The following SYT16 variants were observed in gnomAD, a reference collection of about 807,000 sequenced individuals.
SYT16 encodes synaptotagmin-16.
In SYT16, 42 loss-of-function variants were observed where a neutral mutation model predicts 61.4. That is an observed-to-expected ratio of 0.68 (90% CI 0.53 to 0.89). The LOEUF is 0.89. Among genes scored for constraint, SYT16 ranks in the 40% least tolerant of loss-of-function variants. The pLI, the probability that SYT16 is intolerant of heterozygous loss-of-function variation, is 0.00. For synonymous variants in SYT16, 314 were observed against 302.3 expected, an observed-to-expected ratio of 1.04 and a Z score of -0.40; for missense variants, 804 against 807.3, an observed-to-expected ratio of 1.00 and a Z score of 0.05.
intron 1 of SYT16, among the ~76,000 whole-genome samples, chr14:61,915,178 A>G (rs997152084): frequency 6.6e-6 from 1 of 152,148 alleles, no homozygotes; most frequent in Admixed American, 6.6e-5. Context: ...TGGTCAACAA[A>G]ATATATCTGC....
chr14:61,923,662 C>T (rs536727601), intron 1 of SYT16, among the ~76,000 whole-genome samples: 1 of 152,014 alleles, frequency 6.6e-6, no homozygotes, highest in Non-Finnish European at 1.5e-5. Flanking sequence ...AAACATCCTA[C>T]TGAAGTTATT....
At chr14:62,041,107 T>C (rs549886705) in intron 3 of SYT16, among the ~76,000 whole-genome samples, 1 of 152,256 alleles carries the variant, frequency 6.6e-6, no homozygotes, top group South Asian at 2.1e-4. Context: ...AAAGATGTAG[T>C]CTGGGAGGCT....
At chr14:62,100,333 CCAAA>C (rs2057388671) in intron 7 of SYT16, 57 bp from the exon 8 acceptor site, 1 of 1,409,166 alleles carries the variant, frequency 7.1e-7, no homozygotes. Flanking sequence ...GCTAGTCTAG[CCAAA>C]CAGAGAGCAC....
intron 1 of SYT16, among the ~76,000 whole-genome samples, chr14:61,859,021 AT>A (rs60251753): frequency 0.029 from 4,214 of 146,118 alleles, 168 homozygotes; most frequent in African/African-American, 0.078. Context: ...CGCCCGGCTA[AT>A]TTTTTTTTTT....
chr14:61,885,477 C>G (rs139138210), intron 1 of SYT16, among the ~76,000 whole-genome samples: 16 of 152,304 alleles, frequency 1.1e-4, no homozygotes, highest in African/African-American at 3.6e-4. Context: ...AAGGTGAATT[C>G]TGCCTAGCAT....
At chr14:61,992,041 AAGCAC>A (rs2052574359) in intron 2 of SYT16, among the ~76,000 whole-genome samples, 1 of 152,162 alleles carries the variant, frequency 6.6e-6, no homozygotes, top group South Asian at 2.1e-4. Context: ...TACAAAGTAT[AAGCAC>A]AGCCCTAGCA....
intron 1 of SYT16, among the ~76,000 whole-genome samples, chr14:61,843,331 T>C (rs1033740851): frequency 6.6e-6 from 1 of 152,218 alleles, no homozygotes; most frequent in Non-Finnish European, 1.5e-5. Flanking sequence ...TGATCAATGA[T>C]GTTGAACACC....
chr14:61,942,943 G>A (rs1254844), intron 1 of SYT16, among the ~76,000 whole-genome samples: 63,809 of 151,910 alleles, frequency 0.42, 14,035 homozygotes, highest in African/African-American at 0.54. Flanking sequence ...GAATCCAGGA[G>A]CTGGTTTTTT....
In SYT16 at chr14:62,103,002, A is replaced by G. The variant is rs747895160; in HGVS notation, c.*2295A>G. 2 of 152,230 alleles carry G rather than the reference A, an allele frequency of 1.3e-5. No individual in the cohort carries two copies. Among genetic ancestry groups the G allele is most frequent in the Middle Eastern group, 3.2e-3 (1 of 316 alleles). 9.4% of individuals were successfully genotyped at this position (152,230 alleles called of 1,614,324 possible). A position where few individuals can be genotyped will look rare whatever the true frequency, so the allele number is the denominator to read the frequency against. On this transcript the variant is annotated 3_prime_UTR_variant, in exon 8 of 8. Transcript: ENST00000683842. ...CATTTTTTATTTTTATAATTTTACTATGTTGGTGCTACTCACCAAATAGGA... is the reference window on the plus strand; with the variant it reads ...CATTTTTTATTTTTATAATTTTACTGTGTTGGTGCTACTCACCAAATAGGA...
chr14:61,823,280 T>C (rs1450074428), intron 1 of SYT16, among the ~76,000 whole-genome samples: 3 of 152,118 alleles, frequency 2.0e-5, no homozygotes, highest in Admixed American at 2.0e-4. Context: ...TGTGAGCCAC[T>C]GCGCCTGGCC....
At chr14:62,087,056 C>A (rs189961702) in intron 7 of SYT16, among the ~76,000 whole-genome samples, 2 of 152,140 alleles carry the variant, frequency 1.3e-5, no homozygotes, top group Non-Finnish European at 2.9e-5. Context: ...CTTTGGATGT[C>A]GACGGCCTTG....
In SYT16 at chr14:61,988,836, T is replaced by A. The variant is rs543438645; in HGVS notation, c.-144-7040T>A. Among the ~76,000 whole-genome samples, 27 of 152,214 alleles carry A rather than the reference T, an allele frequency of 1.8e-4. No homozygotes were observed. In the South Asian group the frequency reaches 3.1e-3, roughly 18 times the overall value. On this transcript the variant is annotated intron_variant, in intron 2 of 7. Coordinates refer to ENST00000683842, the MANE Select transcript of SYT16 (RefSeq NM_001367656.1). ...CCACACTTGTCACTTACTAGGAAAA[T>A]CACTTTACCTTTTTTTATTTCTAGT...
At chr14:62,058,820 T>A (rs2140911710) in intron 3 of SYT16, among the ~76,000 whole-genome samples, 1 of 152,310 alleles carries the variant, frequency 6.6e-6, no homozygotes, top group Middle Eastern at 3.4e-3. Context: ...GGAATCAGCC[T>A]AAATGTCCAT....
At chr14:61,923,177 C>G (rs1405960261) in intron 1 of SYT16, among the ~76,000 whole-genome samples, 1 of 151,984 alleles carries the variant, frequency 6.6e-6, no homozygotes, top group Admixed American at 6.6e-5. Flanking sequence ...AAAGAATATT[C>G]CAATTATTTG....
chr14:61,832,969 A>C (rs938539949), intron 1 of SYT16, among the ~76,000 whole-genome samples: 3 of 152,124 alleles, frequency 2.0e-5, no homozygotes, highest in African/African-American at 7.2e-5. Flanking sequence ...TTAAGGTGTC[A>C]ATTTTCAGGT....
chr14:61,854,894 C>T (rs2046728107), intron 1 of SYT16, among the ~76,000 whole-genome samples: 2 of 151,762 alleles, frequency 1.3e-5, no homozygotes, highest in Middle Eastern at 3.2e-3. Context: ...TGAATATTTC[C>T]ACCACTCCCA....
intron 4 of SYT16, among the ~76,000 whole-genome samples, chr14:62,071,781 G>T (rs2056308994): frequency 6.6e-6 from 1 of 152,140 alleles, no homozygotes; most frequent in East Asian, 1.9e-4. Context: ...TTTAGTTGTA[G>T]AAACAGTTCT....
intron 1 of SYT16, among the ~76,000 whole-genome samples, chr14:61,827,035 C>G (rs778647817): frequency 1.3e-4 from 20 of 150,602 alleles, no homozygotes; most frequent in Non-Finnish European, 2.6e-4. Context: ...TGAACTACCT[C>G]TTTAAAGGCC....
intron 1 of SYT16, among the ~76,000 whole-genome samples, chr14:61,871,153 A>G (rs2047319511): frequency 6.6e-6 from 1 of 152,168 alleles, no homozygotes; most frequent in Non-Finnish European, 1.5e-5. Context: ...TCTACTGCTA[A>G]TTTGGCCCTA....
Sources: gnomAD v4.1 joint callset for allele counts (sites outside exome capture counted in the v4.1 genomes callset) on GRCh38, gnomAD v4.1.1 for gene constraint, MANE v1.5 for transcripts, NCBI Gene and HGNC (gene_info 2026-07-23, HGNC 2026-07-21) for gene names.